CNTNAP2: variants seen among roughly 807,000 people sequenced by gnomAD.
The protein encoded by CNTNAP2 is contactin-associated protein-like 2.
In CNTNAP2, 98 loss-of-function variants were observed where a neutral mutation model predicts 155.2. The observed-to-expected ratio is 0.63, with a 90% CI of 0.54 to 0.75. CNTNAP2 has a LOEUF of 0.75. Among genes scored for constraint, CNTNAP2 ranks in the 30% least tolerant of loss-of-function variants. The probability of loss-of-function intolerance (pLI) is 0.00; values close to 1 mark genes in which losing one functional copy is unlikely to be tolerated. For missense variants in CNTNAP2, 1,727 were observed against 1,688.1 expected, an observed-to-expected ratio of 1.02 and a Z score of -0.40; for synonymous variants, 651 against 631.2, an observed-to-expected ratio of 1.03 and a Z score of -0.47.
In CNTNAP2 at chr7:147,132,476, C is replaced by T; in HGVS notation, c.1315C>T (p.Gln439Ter). Residue 439 changes from glutamine to a stop codon, truncating the protein, a stop_gained, in exon 8 of 24, where the codon CAG (glutamine) becomes TAG (stop). Coordinates refer to ENST00000361727, the MANE Select transcript of CNTNAP2 (RefSeq NM_014141.6). LOFTEE classifies it high-confidence loss of function. ...AGTGGGTGTTCACATCAACATCACA[C>T]AGACCAAGATGAGCCAAATCGATAT... is the stretch of plus-strand genomic sequence containing the variant. ...SKVGVHINIT[Q>*]TKMSQIDISS... The T allele has an allele frequency of 6.2e-7, 1 of 1,613,630 alleles. No individual in the cohort carries two copies. Among genetic ancestry groups the T allele is most frequent in the Non-Finnish European group, 8.5e-7 (1 of 1,179,704 alleles).
intron 18 of CNTNAP2, among the ~76,000 whole-genome samples, chr7:148,184,644 G>C (rs1795089663): frequency 1.3e-5 from 2 of 152,144 alleles, no homozygotes; most frequent in Non-Finnish European, 2.9e-5. Context: ...CAGAAACACA[G>C]ACAACACTAT....
chr7:148,358,743 AT>A (rs1041558883), intron 21 of CNTNAP2, among the ~76,000 whole-genome samples: 2 of 152,264 alleles, frequency 1.3e-5, no homozygotes, highest in Non-Finnish European at 2.9e-5. Flanking sequence ...GGGTTAAAGT[AT>A]TTAACTTCTC....
chr7:147,200,485 GA>G (rs1255365151), intron 8 of CNTNAP2, among the ~76,000 whole-genome samples: 2 of 152,136 alleles, frequency 1.3e-5, no homozygotes, highest in Non-Finnish European at 2.9e-5. Flanking sequence ...TCAAGCTTAG[GA>G]AACCACAATC....
chr7:146,903,489 T>G (rs1387193469), intron 3 of CNTNAP2, among the ~76,000 whole-genome samples: 1 of 152,218 alleles, frequency 6.6e-6, no homozygotes, highest in African/African-American at 2.4e-5. Context: ...AACTAAAACC[T>G]GATCCTTCTC....
intron 1 of CNTNAP2, among the ~76,000 whole-genome samples, chr7:146,474,993 G>GCA (rs1191827945): frequency 8.5e-5 from 11 of 128,764 alleles, no homozygotes; most frequent in African/African-American, 3.5e-4. Context: ...CTGAGCACGA[G>GCA]CGCGCACGCG....
At chr7:147,441,844 T>TCTCTCTCTCC (rs1797643592) in intron 10 of CNTNAP2, among the ~76,000 whole-genome samples, 1 of 132,312 alleles carries the variant, frequency 7.6e-6, no homozygotes, top group Non-Finnish European at 1.7e-5. Flanking sequence ...TCTCTCTCTC[T>TCTCTCTCTCC]CTCTCTCCCT....
chr7:147,313,233 G>C (rs1216485694), intron 9 of CNTNAP2, among the ~76,000 whole-genome samples: 3 of 152,124 alleles, frequency 2.0e-5, no homozygotes, highest in Non-Finnish European at 4.4e-5. Context: ...TCTGCTGGTA[G>C]TTTCTTTTGC....
At chr7:147,508,660 G>A (rs936644591) in intron 11 of CNTNAP2, among the ~76,000 whole-genome samples, 2 of 152,190 alleles carry the variant, frequency 1.3e-5, no homozygotes, top group Non-Finnish European at 2.9e-5. Flanking sequence ...TGTCATGGGA[G>A]GGACCTGATG....
chr7:147,104,266 A>G (rs946087399), intron 4 of CNTNAP2, among the ~76,000 whole-genome samples: 4 of 152,058 alleles, frequency 2.6e-5, no homozygotes, highest in Non-Finnish European at 4.4e-5. Context: ...CACAATTTTT[A>G]TTGAAGAAGT....
chr7:146,773,358 G>A (rs1345178775), intron 1 of CNTNAP2, among the ~76,000 whole-genome samples: 1 of 152,126 alleles, frequency 6.6e-6, no homozygotes, highest in Non-Finnish European at 1.5e-5. Context: ...TTTTCAAGTT[G>A]ATGGTTATTC....
chr7:148,330,539 G>C (rs1292607420), intron 21 of CNTNAP2, among the ~76,000 whole-genome samples: 2 of 151,236 alleles, frequency 1.3e-5, no homozygotes, highest in Non-Finnish European at 2.9e-5. Context: ...GGAATGGATA[G>C]ATGGAGTGCA....
intron 3 of CNTNAP2, among the ~76,000 whole-genome samples, chr7:146,894,386 T>C (rs1259684486): frequency 6.6e-6 from 1 of 152,186 alleles, no homozygotes; most frequent in Non-Finnish European, 1.5e-5. Context: ...TTGCTCCTCT[T>C]CATCTGGCAC....
chr7:146,896,382 G>A (rs1795877472), intron 3 of CNTNAP2, among the ~76,000 whole-genome samples: 1 of 151,946 alleles, frequency 6.6e-6, no homozygotes, highest in Non-Finnish European at 1.5e-5. Flanking sequence ...CCACTAGGCA[G>A]TCTCCCTAAT....
chr7:147,045,874 G>A (rs187858852), intron 4 of CNTNAP2, among the ~76,000 whole-genome samples: 672 of 151,396 alleles, frequency 4.4e-3, no homozygotes, highest in Middle Eastern at 0.01. Context: ...ACACATATAC[G>A]TGCATATATA....
At chr7:146,542,357 T>A (rs1797965536) in intron 1 of CNTNAP2, among the ~76,000 whole-genome samples, 1 of 151,950 alleles carries the variant, frequency 6.6e-6, no homozygotes, top group South Asian at 2.1e-4. Flanking sequence ...CACACAAGAA[T>A]CACAGATGAT....
At chr7:146,679,431 C>T (rs553500139) in intron 1 of CNTNAP2, among the ~76,000 whole-genome samples, 3 of 148,590 alleles carry the variant, frequency 2.0e-5, no homozygotes, top group Non-Finnish European at 3.0e-5. Context: ...TCTCGGCTCA[C>T]TGCAACTTCC....
At chr7:146,784,590 T>C (rs1802542615) in intron 2 of CNTNAP2, among the ~76,000 whole-genome samples, 1 of 152,176 alleles carries the variant, frequency 6.6e-6, no homozygotes, top group South Asian at 2.1e-4. Context: ...GGATCTAGAT[T>C]TTTCGTTACC....
At chr7:146,295,958 C>T (rs1174561022) in intron 1 of CNTNAP2, among the ~76,000 whole-genome samples, 2 of 151,684 alleles carry the variant, frequency 1.3e-5, no homozygotes, top group Non-Finnish European at 2.9e-5. Flanking sequence ...GCTGTCCTCA[C>T]AGGGTTAGTA....
chr7:148,363,604 T>C (rs183443795), intron 21 of CNTNAP2, among the ~76,000 whole-genome samples: 215 of 152,334 alleles, frequency 1.4e-3, no homozygotes, highest in African/African-American at 5.0e-3. Context: ...CTGTTCCTTC[T>C]ATCTGGAATG....
Sources: allele counts gnomAD v4.1 joint callset (sites outside exome capture counted in the v4.1 genomes callset), GRCh38; gene constraint gnomAD v4.1.1; transcripts MANE v1.5; gene names NCBI Gene and HGNC (gene_info 2026-07-23, HGNC 2026-07-21).